The following TRIB2 variants were observed in gnomAD, a reference collection of about 807,000 sequenced individuals.
TRIB2 encodes tribbles homolog 2.
A neutral mutation model predicts 26.8 loss-of-function variants in TRIB2; 2 were observed. The ratio of observed to expected loss-of-function variants is 0.07; its 90% CI spans 0.03 to 0.24. TRIB2 has a LOEUF of 0.24. Ranked by LOEUF, TRIB2 falls within the 10% of genes least tolerant of loss-of-function variation. The pLI, the probability that TRIB2 is intolerant of heterozygous loss-of-function variation, is 1.00. For missense variants in TRIB2, 306 were observed against 449.0 expected (o/e 0.68, Z 2.88); for synonymous variants, 189 against 187.3 (o/e 1.01, Z -0.08).
chr2:12,718,688 T>A lies in TRIB2; in HGVS notation c.270+111T>A. On this transcript the variant is annotated intron_variant, in intron 1 of 2. Coordinates refer to ENST00000155926, the MANE Select transcript of TRIB2 (RefSeq NM_021643.4). This position sits in a 1 kb window ranked among gnomAD's most constrained non-coding sequence, Gnocchi z 4.0. The stretch of plus-strand genomic sequence containing the variant: ...GATTCGCGGGATAATTACCGTGGCC[T>A]TATTAAATGGGTTTATTTATTTATT... 1.5e-6 allele frequency: 2 copies of A among 1,367,228 alleles called. No individual in the cohort carries two copies. The highest frequency in any genetic ancestry group is 2.0e-6 in the Non-Finnish European group (2 of 1,014,096). The allele number at this position is 1,367,228 out of a possible 1,614,324, so 84.7% of individuals were successfully genotyped here. A position where few individuals can be genotyped will look rare whatever the true frequency, so the allele number is the denominator to read the frequency against.
Position 12,723,474 on chromosome 2 carries a change from C to T in TRIB2, c.485C>T (p.Ala162Val). The T allele has an allele frequency of 1.2e-6, 2 of 1,614,242 alleles. No individual in the cohort carries two copies. Among genetic ancestry groups the T allele is most frequent in the Non-Finnish European group, 1.7e-6 (2 of 1,180,046 alleles). Residue 162 changes from alanine (A) to valine (V), a missense_variant, in exon 2 of 3, where the codon GCA (alanine) becomes GTA (valine). This residue lies in a region of TRIB2 where 118 missense variants were observed against 188.8 expected (regional missense o/e 0.63). Transcript: ENST00000155926. ...AARLFYQIASAVAHCHDGGLV... is the reference protein window; with the variant it reads ...AARLFYQIASVVAHCHDGGLV... Reference sequence around the variant, plus strand: ...AGACTGTTCTACCAGATTGCCTCGGCAGTGGCCCACTGCCATGACGGGGGG... The same window carrying T: ...AGACTGTTCTACCAGATTGCCTCGGTAGTGGCCCACTGCCATGACGGGGGG...
rs369189598 is a variant in TRIB2, at chr2:12,718,395, A to G, written c.88A>G (p.Ile30Val). 115 of 1,614,082 alleles carry G rather than the reference A, an allele frequency of 7.1e-5. No homozygotes were observed. Among genetic ancestry groups the G allele is most frequent in the Non-Finnish European group, 9.2e-5 (109 of 1,180,024 alleles). ...KTQDFEELSSIRSAEPSQSFS... is the reference protein window; with the variant it reads ...KTQDFEELSSVRSAEPSQSFS... ...CCAGGATTTCGAAGAGTTGTCGTCT[A>G]TAAGGTCCGCGGAGCCCAGCCAGAG... The change falls in exon 1 of 3, where the codon ATA (isoleucine) becomes GTA (valine). Residue 30 changes from isoleucine (I) to valine (V), a missense_variant. Ile to Val is a conservative substitution (Grantham distance 29). Coordinates refer to ENST00000155926, the MANE Select transcript of TRIB2 (RefSeq NM_021643.4). The surrounding 1 kb of genome is among the most constrained non-coding windows in gnomAD (Gnocchi z 4.0).
chr2:12,718,626 G>A lies in TRIB2; in HGVS notation c.270+49G>A, dbSNP rs771451620. On this transcript the variant is annotated intron_variant, in intron 1 of 2. Coordinates refer to ENST00000155926, the MANE Select transcript of TRIB2 (RefSeq NM_021643.4). This position sits in a 1 kb window ranked among gnomAD's most constrained non-coding sequence, Gnocchi z 4.0. ...TTGTCTTTGGAAGGGGCCCGAGGGA[G>A]CGGGAGGGCGCCAGGCCCTCGAGTC... The A allele has an allele frequency of 6.3e-6, 10 of 1,590,156 alleles. No individual in the cohort carries two copies. Among genetic ancestry groups the A allele is most frequent in the Non-Finnish European group, 8.6e-6 (10 of 1,164,130 alleles).
chr2:12,725,017 A>C (rs187513289), intron 2 of TRIB2, among the ~76,000 whole-genome samples: 1 of 152,230 alleles, frequency 6.6e-6, no homozygotes, highest in South Asian at 2.1e-4. Flanking sequence ...GAATGTCATC[A>C]TGTCCATTGT....
rs1666659230 is a variant in TRIB2 at position 12,718,806 on chromosome 2, GA to G, written c.270+230del. Among the ~76,000 whole-genome samples the G allele has an allele frequency of 6.6e-6, 1 of 152,176 alleles. No individual in the cohort carries two copies. Among genetic ancestry groups the G allele is most frequent in the Admixed American group, 6.5e-5 (1 of 15,288 alleles). ...CGTTTCGGGGAGAGCCCGGGGAGGA[GA>G]GGGCGGCGGGACTGCGCGGGGGCCA... On this transcript the variant is annotated intron_variant, in intron 1 of 2. Coordinates refer to ENST00000155926, the MANE Select transcript of TRIB2 (RefSeq NM_021643.4). This position sits in a 1 kb window ranked among gnomAD's most constrained non-coding sequence, Gnocchi z 4.0.
rs894582652 is a variant in TRIB2 at position 12,732,568 on chromosome 2, A to G, written c.564-7758A>G. Among the ~76,000 whole-genome samples the G allele has an allele frequency of 6.6e-6, 1 of 152,032 alleles. No homozygotes were observed. Among genetic ancestry groups the G allele is most frequent in the African/African-American group, 2.4e-5 (1 of 41,402 alleles). On this transcript the variant is annotated intron_variant, in intron 2 of 2. Coordinates refer to ENST00000155926, the MANE Select transcript of TRIB2 (RefSeq NM_021643.4). The surrounding 1 kb of genome is among the most constrained non-coding windows in gnomAD (Gnocchi z 4.2). Reference sequence around the variant, plus strand: ...AGGTAGGAGTTGGGGTGGTTCACTGACTCTCCAAGACTTGGTGCAGAGGTG... The same window carrying G: ...AGGTAGGAGTTGGGGTGGTTCACTGGCTCTCCAAGACTTGGTGCAGAGGTG...
chr2:12,735,522 C>T (rs532723856), intron 2 of TRIB2, among the ~76,000 whole-genome samples: 9 of 152,212 alleles, frequency 5.9e-5, no homozygotes, highest in African/African-American at 1.9e-4. Context: ...CCTTGCCAGC[C>T]GTAGGAGCCT....
Position 12,718,259 on chromosome 2 carries a change from A to T in TRIB2, c.-49A>T. 1 of 1,579,364 alleles carries T rather than the reference A, an allele frequency of 6.3e-7. No individual in the cohort carries two copies. Among genetic ancestry groups the T allele is most frequent in the Non-Finnish European group, 8.6e-7 (1 of 1,162,168 alleles). On this transcript the variant is annotated 5_prime_UTR_variant, in exon 1 of 3. Transcript: ENST00000155926. This position sits in a 1 kb window ranked among gnomAD's most constrained non-coding sequence, Gnocchi z 4.0. ...CTGCAGCCGCACTCGCCAGCGACTC[A>T]TCTCTCCAGCGGGTTTTTTTTTGTT...
At chr2:12,721,451 A>G (rs2103249443) in intron 1 of TRIB2, among the ~76,000 whole-genome samples, 1 of 152,380 alleles carries the variant, frequency 6.6e-6, no homozygotes, top group Non-Finnish European at 1.5e-5. Context: ...TATATGATGC[A>G]GTGTTTACGT....
rs762250707 is a variant in TRIB2 at position 12,740,438 on chromosome 2, A to G, written c.676A>G (p.Thr226Ala). 22 of 1,613,934 alleles carry G rather than the reference A, an allele frequency of 1.4e-5. No individual in the cohort carries two copies. Among genetic ancestry groups the G allele is most frequent in the Non-Finnish European group, 1.8e-5 (21 of 1,180,008 alleles). ...PAYVSPEILN[T>A]SGSYSGKAAD... ...TTACGTAAGCCCAGAGATCTTGAAC[A>G]CCAGTGGCAGCTACTCGGGCAAAGC... The change falls in exon 3 of 3, where the codon ACC becomes GCC. Residue 226 changes from threonine (T) to alanine (A), a missense_variant. Around this residue, in one of 4 missense-constraint regions of TRIB2, gnomAD observed 118 missense variants for 188.8 expected, o/e 0.63. Coordinates refer to ENST00000155926, the MANE Select transcript of TRIB2 (RefSeq NM_021643.4). The surrounding 1 kb of genome is among the most constrained non-coding windows in gnomAD (Gnocchi z 5.8).
chr2:12,718,962 T>A lies in TRIB2; in HGVS notation c.270+385T>A, dbSNP rs1666664085. Among the ~76,000 whole-genome samples, 2 of 152,188 alleles carry A rather than the reference T, an allele frequency of 1.3e-5. No individual in the cohort carries two copies. Among genetic ancestry groups the A allele is most frequent in the South Asian group, 4.1e-4 (2 of 4,830 alleles). Reference sequence around the variant, plus strand: ...GGATTAGGGAATCCCCCGGTAATTTTAAGACTGATGACTTCGTTCTTTTCG... The same window carrying A: ...GGATTAGGGAATCCCCCGGTAATTTAAAGACTGATGACTTCGTTCTTTTCG... On this transcript the variant is annotated intron_variant, in intron 1 of 2. Coordinates refer to ENST00000155926, the MANE Select transcript of TRIB2 (RefSeq NM_021643.4). The surrounding 1 kb of genome is among the most constrained non-coding windows in gnomAD (Gnocchi z 4.0).
chr2:12,728,438 C>A (rs190071196), intron 2 of TRIB2, among the ~76,000 whole-genome samples: 6 of 152,302 alleles, frequency 3.9e-5, no homozygotes, highest in African/African-American at 1.2e-4. Flanking sequence ...GTGGGTGGGG[C>A]CTTGTTACCA....
At chr2:12,733,169 C>T (rs1245531422) in intron 2 of TRIB2, among the ~76,000 whole-genome samples, 1 of 152,218 alleles carries the variant, frequency 6.6e-6, no homozygotes, top group African/African-American at 2.4e-5. Context: ...CTGTCACTGG[C>T]TTGCGAGGTG....
chr2:12,728,850 T>C (rs1180560789), intron 2 of TRIB2, among the ~76,000 whole-genome samples: 1 of 152,104 alleles, frequency 6.6e-6, no homozygotes, highest in Non-Finnish European at 1.5e-5. Context: ...CTTTCTCAGC[T>C]CTTAGTATCT....
chr2:12,734,329 C>G (rs1252915041), intron 2 of TRIB2, among the ~76,000 whole-genome samples: 1 of 152,150 alleles, frequency 6.6e-6, no homozygotes, highest in East Asian at 1.9e-4. Flanking sequence ...CCACCACTTC[C>G]AGGAAGCATA....
rs186413267 is a variant in TRIB2, at chr2:12,723,353, G to A, written c.364G>A (p.Gly122Ser). ...NINQITEIIL[G>S]ETKAYVFFER... ...CAACCAAATCACTGAAATTATCCTG[G>A]GTGAGACCAAAGCCTATGTGTTCTT... is the stretch of plus-strand genomic sequence containing the variant. The change falls in exon 2 of 3, where the codon GGT becomes AGT. Residue 122 changes from glycine (G) to serine (S), a missense_variant. Coordinates refer to ENST00000155926, the MANE Select transcript of TRIB2 (RefSeq NM_021643.4). 6.2e-7 allele frequency: 1 copy of A among 1,614,178 alleles called. No individual in the cohort carries two copies. Among genetic ancestry groups the A allele is most frequent in the Non-Finnish European group, 8.5e-7 (1 of 1,180,026 alleles).
intron 2 of TRIB2, among the ~76,000 whole-genome samples, chr2:12,739,169 A>G (rs773522316): frequency 2.0e-4 from 30 of 152,168 alleles, no homozygotes; most frequent in Admixed American, 1.4e-3. Context: ...GACCTTCATC[A>G]GATGTTAGAA....
intron 2 of TRIB2, among the ~76,000 whole-genome samples, chr2:12,731,008 G>A (rs555160237): frequency 3.3e-4 from 51 of 152,264 alleles, no homozygotes; most frequent in African/African-American, 1.2e-3. Flanking sequence ...ATTCTATCTC[G>A]CAAACATTTA....
At position 12,739,371 on chromosome 2, in the gene TRIB2, TG is replaced by T. The variant is rs1294807382; in HGVS notation, c.564-954del. On this transcript the variant is annotated intron_variant, in intron 2 of 2. Transcript: ENST00000155926. ...GCCTCCCGGGTTCAAACGATTCTCCTGCCTCGGCCTCCTGAGCATCTGGGAT... is the reference window on the plus strand; with the variant it reads ...GCCTCCCGGGTTCAAACGATTCTCCTCCTCGGCCTCCTGAGCATCTGGGAT... Among the ~76,000 whole-genome samples the T allele has an allele frequency of 9.8e-5, 15 of 152,338 alleles. No homozygotes were observed. In the East Asian group the frequency reaches 2.7e-3, roughly 27 times the overall value.
Sources: gnomAD v4.1 joint callset for allele counts (sites outside exome capture counted in the v4.1 genomes callset) on GRCh38, gnomAD v4.1.1 for gene constraint, gnomAD v4.1.1 regional missense constraint, Gnocchi (gnomAD v3.1) non-coding constraint, MANE v1.5 for transcripts, NCBI Gene and HGNC (gene_info 2026-07-23, HGNC 2026-07-21) for gene names.